BAP1: variants seen among roughly 807,000 people sequenced by gnomAD.
BAP1 encodes BRCA1 associated deubiquitinase 1.
BAP1 carries 16 observed loss-of-function variants against 77.2 expected under a neutral mutation model. The ratio of observed to expected loss-of-function variants is 0.21; its 90% confidence interval spans 0.14 to 0.31. BAP1 has a LOEUF of 0.31. BAP1 is among the 10% of genes least tolerant of loss of function. BAP1 has a pLI of 1.00. For synonymous variants in BAP1, 362 were observed against 385.2 expected, an observed-to-expected ratio of 0.94 and a Z score of 0.71; for missense variants, 699 against 967.3, an observed-to-expected ratio of 0.72 and a Z score of 3.68.
chr3:52,407,853 A>T, intron 5 of BAP1, 105 bp downstream of exon 5: 2 of 1,529,658 alleles, frequency 1.3e-6, no homozygotes, highest in South Asian at 2.3e-5. Context: ...TTTGAAAAAG[A>T]AACAGCCTAA....
At chr3:52,409,651 A>C (rs112613161) in intron 2 of BAP1, 43 bp from the exon 3 acceptor site, 9 of 1,614,142 alleles carry the variant, frequency 5.6e-6, no homozygotes, top group African/African-American at 4.0e-5. Flanking sequence ...ACAGCCCCTG[A>C]TGAGTGAGGG....
rs1311383282 is a variant in BAP1, at chr3:52,405,198, A to G, written c.1028T>C (p.Leu343Pro). 9 of 1,614,074 alleles carry G rather than the reference A, an allele frequency of 5.6e-6. No individual in the cohort carries two copies. The highest frequency in any genetic ancestry group is 5.9e-6 in the Non-Finnish European group (7 of 1,180,024). The change falls in exon 11 of 17, where the codon CTC becomes CCC. Residue 343 changes from leucine (L) to proline (P), a missense_variant. By Grantham distance (98) the Leu-to-Pro change is moderately conservative. Around this residue, in one of 3 missense-constraint regions of BAP1, gnomAD observed 475 missense variants for 532.4 expected, o/e 0.89. Transcript: ENST00000460680. The part of the protein sequence containing the change: ...KLVVKPPGSS[L>P]NGVHPNPTPI... ...AGTGGGGTTGGGGTGAACCCCATTG[A>G]GGCTGCTGCCTGGAGGCTTCACCAC...
rs1553645941 is a variant in BAP1 at position 52,408,019 on chromosome 3, C to G, written c.314G>C (p.Ser105Thr). ...ACTCAGGGTGGGTCCCAGGTCCACG[C>G]TGCTGCAGTTCAGGAGCACGCTCAG... ...ALLSVLLNCS[S>T]VDLGPTLSRM... The change falls in exon 5 of 17, where the codon AGC becomes ACC. Residue 105 changes from serine (S) to threonine (T), a missense_variant. By Grantham distance (58) the Ser-to-Thr change is moderately conservative. Coordinates refer to ENST00000460680, the MANE Select transcript of BAP1 (RefSeq NM_004656.4). The G allele has an allele frequency of 1.2e-6, 2 of 1,613,880 alleles. No individual in the cohort carries two copies. The highest frequency in any genetic ancestry group is 1.1e-5 in the South Asian group (1 of 90,992).
chr3:52,408,425 A>G, intron 4 of BAP1, 49 bp downstream of exon 4: 1 of 1,600,052 alleles, frequency 6.2e-7, no homozygotes, highest in Non-Finnish European at 8.5e-7. Context: ...TCCCAAGCAA[A>G]AACATGGCAG....
rs1227705515 is a variant in BAP1, at chr3:52,402,534, G to A, written c.2056+68C>T. ...CTGCTCAAGCCTCAGGAGAGGCCAG[G>A]GGAGGGGAGCTGAAGGACACGGCCC... On this transcript the variant is annotated intron_variant, in intron 16 of 16. Transcript: ENST00000460680. This position sits in a 1 kb window ranked among gnomAD's most constrained non-coding sequence, Gnocchi z 5.3. 6.2e-7 allele frequency: 1 copy of A among 1,612,192 alleles called. No individual in the cohort carries two copies. Among genetic ancestry groups the A allele is most frequent in the African/African-American group, 1.3e-5 (1 of 74,896 alleles).
rs1704995322 is a variant in BAP1 at position 52,402,552 on chromosome 3, C to CA, written c.2056+49dup. On this transcript the variant is annotated intron_variant, in intron 16 of 16. Coordinates refer to ENST00000460680, the MANE Select transcript of BAP1 (RefSeq NM_004656.4). The surrounding 1 kb of genome is among the most constrained non-coding windows in gnomAD (Gnocchi z 5.3). ...AGGCCAGGGGAGGGGAGCTGAAGGACACGGCCCTCAGCAGGGCATTCCAGT... is the reference window on the plus strand; with the variant it reads ...AGGCCAGGGGAGGGGAGCTGAAGGACAACGGCCCTCAGCAGGGCATTCCAGT... 1 of 1,612,670 alleles carries CA rather than the reference C, an allele frequency of 6.2e-7. No homozygotes were observed.
Position 52,403,372 on chromosome 3 carries a change from C to G in BAP1, c.1729+44G>C, listed in dbSNP as rs976531994. ...GGTCACTTGGCCACTTCCCTCCTCCCTCCTGGGTGCACCAAGTGGCCAGTG... is the reference window on the plus strand; with the variant it reads ...GGTCACTTGGCCACTTCCCTCCTCCGTCCTGGGTGCACCAAGTGGCCAGTG... On this transcript the variant is annotated intron_variant, in intron 13 of 16. Coordinates refer to ENST00000460680, the MANE Select transcript of BAP1 (RefSeq NM_004656.4). This position sits in a 1 kb window ranked among gnomAD's most constrained non-coding sequence, Gnocchi z 4.0. The G allele has an allele frequency of 2.5e-6, 4 of 1,612,054 alleles. No individual in the cohort carries two copies. The African/African-American group carries it at 5.3e-5, about 22-fold the overall frequency.
chr3:52,407,470 A>AG lies in BAP1; in HGVS notation c.376-11dup. On this transcript the variant is annotated splice_polypyrimidine_tract_variant and intron_variant, in intron 5 of 16. Transcript: ENST00000460680. ...TCGCATATCCTTTGCTCTACGGGGA[A>AG]GAAAATAAGGCCGTATCAGAATAAT... is the stretch of plus-strand genomic sequence containing the variant. The AG allele has an allele frequency of 6.2e-7, 1 of 1,614,198 alleles. No individual in the cohort carries two copies. The highest frequency in any genetic ancestry group is 8.5e-7 in the Non-Finnish European group (1 of 1,180,036).
Position 52,402,276 on chromosome 3 carries a change from G to T in BAP1, c.*12C>A. On this transcript the variant is annotated 3_prime_UTR_variant, in exon 17 of 17. Coordinates refer to ENST00000460680, the MANE Select transcript of BAP1 (RefSeq NM_004656.4). The surrounding 1 kb of genome is among the most constrained non-coding windows in gnomAD (Gnocchi z 5.3). Reference sequence around the variant, plus strand: ...CGGCAAGAGTGGGCTGCAGAGTCAGGGCCAGCAGTCCTCACTGGCGCTTGG... The same window carrying T: ...CGGCAAGAGTGGGCTGCAGAGTCAGTGCCAGCAGTCCTCACTGGCGCTTGG... 6.2e-7 allele frequency: 1 copy of T among 1,600,424 alleles called. No homozygotes were observed. The highest frequency in any genetic ancestry group is 2.3e-5 in the East Asian group (1 of 44,348).
chr3:52,409,469 A>C (rs1179335696), intron 3 of BAP1, 85 bp downstream of exon 3: 2 of 1,551,066 alleles, frequency 1.3e-6, no homozygotes, highest in African/African-American at 2.7e-5. Context: ...GGTTCCTGGC[A>C]CTGTCTTCCC....
rs1174511187 is a variant in BAP1, at chr3:52,403,606, T to C, written c.1539A>G (p.Ser513=). Residue 513 remains serine (S), a synonymous_variant, in exon 13 of 17, where the codon TCA becomes TCG. Coordinates refer to ENST00000460680, the MANE Select transcript of BAP1 (RefSeq NM_004656.4). The surrounding 1 kb of genome is among the most constrained non-coding windows in gnomAD (Gnocchi z 4.0). Reference sequence around the variant, plus strand: ...GGCTGGAGGGCCGCGTCGGGTTGGCTGAGCGGATAGGCGAGCGCAGTGGCG... The same window carrying C: ...GGCTGGAGGGCCGCGTCGGGTTGGCCGAGCGGATAGGCGAGCGCAGTGGCG... ...FNSPLRSPIR[S]ANPTRPSSPV... 3 of 1,614,150 alleles carry C rather than the reference T, an allele frequency of 1.9e-6. No homozygotes were observed. The highest frequency in any genetic ancestry group is 2.2e-5 in the South Asian group (2 of 91,082).
In BAP1 at chr3:52,408,459, C is replaced by CA; in HGVS notation, c.255+14dup. 6.2e-7 allele frequency: 1 copy of CA among 1,609,614 alleles called. No individual in the cohort carries two copies. Among genetic ancestry groups the CA allele is most frequent in the Non-Finnish European group, 8.5e-7 (1 of 1,177,928 alleles). On this transcript the variant is annotated intron_variant, in intron 4 of 16. Coordinates refer to ENST00000460680, the MANE Select transcript of BAP1 (RefSeq NM_004656.4). ...AGCATCCCACCCTCCAAACAAAGCA[C>CA]AGAGTCCAGCAGACCTGGTGGGCAA... is the stretch of plus-strand genomic sequence containing the variant.
In BAP1 at chr3:52,406,271, T is replaced by C. The variant is rs1222530223; in HGVS notation, c.765A>G (p.Val255=). The C allele has an allele frequency of 7.4e-6, 12 of 1,614,058 alleles. No individual in the cohort carries two copies. The Admixed American group carries it at 1.8e-4, about 25-fold the overall frequency. The change falls in exon 9 of 17, where the codon GTA becomes GTG. Residue 255 remains valine (V), a synonymous_variant. Transcript: ENST00000460680. This position sits in a 1 kb window ranked among gnomAD's most constrained non-coding sequence, Gnocchi z 4.6. ...CACCTACCTGCTGCAGAGCCTCTAG[T>C]ACTGTCTGACGGTTCACCTTCAGCA... The part of the protein sequence containing the change: ...LHVLKVNRQT[V]LEALQQLIRV...
chr3:52,405,028 A>G, intron 11 of BAP1, 82 bp downstream of exon 11: 2 of 1,581,408 alleles, frequency 1.3e-6, no homozygotes, highest in Non-Finnish European at 1.7e-6. Flanking sequence ...GATGAACACC[A>G]AGGAACCACA....
chr3:52,407,192 C>T lies in BAP1; in HGVS notation c.562G>A (p.Val188Ile), dbSNP rs1292531623. ...TGCCTACCATGGTCAATGGGGTAGACCTTCAGCCCATCCAGCTCAAAGAGC... is the reference window on the plus strand; with the variant it reads ...TGCCTACCATGGTCAATGGGGTAGATCTTCAGCCCATCCAGCTCAAAGAGC... ...GRLFELDGLK[V>I]YPIDHGPWGE... Residue 188 changes from valine (V) to isoleucine (I), a missense_variant, in exon 7 of 17, where the codon GTC becomes ATC. By Grantham distance (29) the Val-to-Ile change is conservative. Around this residue, in one of 3 missense-constraint regions of BAP1, gnomAD observed 160 missense variants for 322.8 expected, o/e 0.50. Transcript: ENST00000460680. 1 of 1,614,094 alleles carries T rather than the reference C, an allele frequency of 6.2e-7. No homozygotes were observed. The highest frequency in any genetic ancestry group is 8.5e-7 in the Non-Finnish European group (1 of 1,180,032).
rs2153228515 is a variant in BAP1 at position 52,409,564 on chromosome 3, T to C, written c.112A>G (p.Lys38Glu). The stretch of plus-strand genomic sequence containing the variant: ...TGTACAGCCACTCACCCCTGACATT[T>C]GCTCTGAAGGTCGTAGATCTCCTCC... ...QVEEIYDLQS[K>E]CQGPVYGFIF... Residue 38 changes from lysine (K) to glutamate (E), a missense_variant, in exon 3 of 17, where the codon AAA becomes GAA. Transcript: ENST00000460680. 6.2e-7 allele frequency: 1 copy of C among 1,614,178 alleles called. No individual in the cohort carries two copies. Among genetic ancestry groups the C allele is most frequent in the Non-Finnish European group, 8.5e-7 (1 of 1,180,008 alleles).
chr3:52,403,988 G>A lies in BAP1; in HGVS notation c.1251-94C>T, dbSNP rs1705066305. On this transcript the variant is annotated intron_variant, in intron 12 of 16. Transcript: ENST00000460680. The surrounding 1 kb of genome is among the most constrained non-coding windows in gnomAD (Gnocchi z 4.0). The stretch of plus-strand genomic sequence containing the variant: ...GGCTTAAATACATCCCGACCTCCAG[G>A]GGCTGACCCTAAAACTCCTTATACT... 1 of 1,324,996 alleles carries A rather than the reference G, an allele frequency of 7.5e-7. No homozygotes were observed. The highest frequency in any genetic ancestry group is 1.1e-6 in the Non-Finnish European group (1 of 935,170). 82.1% of individuals were successfully genotyped at this position (1,324,996 alleles called of 1,614,324 possible).
chr3:52,406,483 G>A lies in BAP1; in HGVS notation c.660-107C>T. ...CCTGCAGTCACACCTGCAGCTGTAGGTATAGGCCCCACCCCAACAGGCAGG... is the reference window on the plus strand; with the variant it reads ...CCTGCAGTCACACCTGCAGCTGTAGATATAGGCCCCACCCCAACAGGCAGG... On this transcript the variant is annotated intron_variant, in intron 8 of 16. Coordinates refer to ENST00000460680, the MANE Select transcript of BAP1 (RefSeq NM_004656.4). This position sits in a 1 kb window ranked among gnomAD's most constrained non-coding sequence, Gnocchi z 4.6. The A allele has an allele frequency of 1.3e-6, 2 of 1,543,730 alleles. No individual in the cohort carries two copies. The highest frequency in any genetic ancestry group is 2.3e-5 in the South Asian group (2 of 87,140).
chr3:52,409,522 G>GT, intron 3 of BAP1, 32 bp downstream of exon 3: 2 of 1,613,870 alleles, frequency 1.2e-6, no homozygotes, highest in Non-Finnish European at 1.7e-6. Flanking sequence ...CACTCTGGGT[G>GT]TAAGGGGCAG....
Sources: allele counts gnomAD v4.1 joint callset, GRCh38; gene constraint gnomAD v4.1.1; regional missense constraint gnomAD v4.1.1; non-coding constraint Gnocchi (gnomAD v3.1); transcripts MANE v1.5; gene names NCBI Gene and HGNC (gene_info 2026-07-23, HGNC 2026-07-21).